The following L3MBTL4 variants were observed in gnomAD, a reference collection of about 807,000 sequenced individuals.
L3MBTL4 encodes the protein lethal(3)malignant brain tumor-like protein 4.
L3MBTL4 carries 70 observed loss-of-function variants against 84.5 expected under a neutral mutation model. The ratio of observed to expected loss-of-function variants is 0.83; its 90% CI spans 0.68 to 1.01. The LOEUF is 1.01. Among genes scored for constraint, L3MBTL4 ranks in the 50% least tolerant of loss-of-function variants. The pLI, the probability that L3MBTL4 is intolerant of heterozygous loss-of-function variation, is 0.00. For synonymous variants in L3MBTL4, 274 were observed against 259.8 expected, an observed-to-expected ratio of 1.05 and a Z score of -0.52; for missense variants, 715 against 754.8, an observed-to-expected ratio of 0.95 and a Z score of 0.62.
intron 1 of L3MBTL4, among the ~76,000 whole-genome samples, chr18:6,317,920 A>G (rs2051192144): frequency 6.6e-6 from 1 of 152,216 alleles, no homozygotes; most frequent in East Asian, 1.9e-4. Context: ...CAGAAATCTT[A>G]AAAGCCAGAA....
intron 16 of L3MBTL4, among the ~76,000 whole-genome samples, chr18:5,994,306 C>G (rs1389759701): frequency 6.6e-6 from 1 of 152,192 alleles, no homozygotes; most frequent in African/African-American, 2.4e-5. Context: ...GTCTCACTTA[C>G]TGCTATGTCT....
intron 1 of L3MBTL4, among the ~76,000 whole-genome samples, chr18:6,321,303 T>C (rs1330287163): frequency 6.6e-6 from 1 of 152,034 alleles, no homozygotes; most frequent in Non-Finnish European, 1.5e-5. Context: ...ACCCAGAGAA[T>C]GGGAGAAGAT....
intron 16 of L3MBTL4, among the ~76,000 whole-genome samples, chr18:5,999,226 A>T (rs1480370325): frequency 6.6e-6 from 1 of 152,184 alleles, no homozygotes. Context: ...CATTTTTCTC[A>T]TATTTATATT....
chr18:6,319,109 A>C (rs1033516629), intron 1 of L3MBTL4, among the ~76,000 whole-genome samples: 3 of 152,058 alleles, frequency 2.0e-5, no homozygotes, highest in Non-Finnish European at 2.9e-5. Flanking sequence ...AATTATTAAG[A>C]CCTCTGGGAT....
chr18:6,069,904 TAAAC>T (rs2057528271), intron 16 of L3MBTL4, among the ~76,000 whole-genome samples: 1 of 152,096 alleles, frequency 6.6e-6, no homozygotes, highest in Admixed American at 6.5e-5. Flanking sequence ...AACTAAGAAA[TAAAC>T]AATAATTTAA....
chr18:6,340,087 C>A (rs773926978), intron 1 of L3MBTL4, among the ~76,000 whole-genome samples: 12 of 152,070 alleles, frequency 7.9e-5, no homozygotes, highest in Non-Finnish European at 1.3e-4. Flanking sequence ...TAACAACAGC[C>A]TAAAAACCTA....
intron 4 of L3MBTL4, among the ~76,000 whole-genome samples, chr18:6,296,265 A>C (rs910788325): frequency 1.3e-5 from 2 of 152,134 alleles, no homozygotes; most frequent in African/African-American, 4.8e-5. Context: ...TAAGTTAACC[A>C]CTTTTAGAAT....
intron 13 of L3MBTL4, among the ~76,000 whole-genome samples, chr18:6,151,596 T>A (rs910941665): frequency 8.5e-5 from 13 of 152,130 alleles, no homozygotes; most frequent in African/African-American, 3.1e-4. Context: ...GGTTTCACCA[T>A]GTTGTCCAGG....
intron 1 of L3MBTL4, among the ~76,000 whole-genome samples, chr18:6,350,337 G>A (rs1234551790): frequency 6.6e-6 from 1 of 152,074 alleles, no homozygotes; most frequent in Non-Finnish European, 1.5e-5. Context: ...GAAAATATTT[G>A]CAAATCATGT....
In L3MBTL4 at chr18:6,093,501, C is replaced by T. The variant is rs1210528605; in HGVS notation, c.1227G>A (p.Met409Ile). The T allele has an allele frequency of 6.2e-7, 1 of 1,613,364 alleles. No homozygotes were observed. The highest frequency in any genetic ancestry group is 1.3e-5 in the African/African-American group (1 of 74,868). Residue 409 changes from methionine (M) to isoleucine (I), a missense_variant, in exon 15 of 19, where the codon ATG becomes ATA. By Grantham distance (10) the Met-to-Ile change is conservative (BLOSUM62 1). Transcript: ENST00000317931. ...GAAGTGTTGCCTCCTTTTTCAAGTT[C>T]ATGTCTGAATACGGGCAGCCAAAAG... ...HSAFGCPYSD[M>I]NLKKEATLHD...
chr18:6,198,388 C>T (rs2045501624), intron 12 of L3MBTL4, among the ~76,000 whole-genome samples: 1 of 152,300 alleles, frequency 6.6e-6, no homozygotes, highest in East Asian at 1.9e-4. Flanking sequence ...TTCTGTACCA[C>T]TCTCAATATA....
chr18:6,401,609 T>C (rs957995954), intron 1 of L3MBTL4, among the ~76,000 whole-genome samples: 9 of 152,320 alleles, frequency 5.9e-5, no homozygotes, highest in African/African-American at 1.9e-4. Context: ...AGCCAAACTA[T>C]ATATGGGTAA....
Position 6,093,415 on chromosome 18 carries a change from G to A in L3MBTL4, c.1313C>T (p.Ser438Leu). The change falls in exon 15 of 19, where the codon TCA becomes TTA. Residue 438 changes from serine (S) to leucine (L), a missense_variant. By Grantham distance (145) the Ser-to-Leu change is moderately radical. Coordinates refer to ENST00000317931, the MANE Select transcript of L3MBTL4 (RefSeq NM_001330559.2). ...GAAGTTCAAACTACAGAGGCTTTTTGATTTTGAATGTGAAGAGTCTGATTC... is the reference window on the plus strand; with the variant it reads ...GAAGTTCAAACTACAGAGGCTTTTTAATTTTGAATGTGAAGAGTCTGATTC... ...NLESDSSHSKSKSLCSLNFNG... is the reference protein window; with the variant it reads ...NLESDSSHSKLKSLCSLNFNG... 6.2e-7 allele frequency: 1 copy of A among 1,613,260 alleles called. No homozygotes were observed. The highest frequency in any genetic ancestry group is 8.5e-7 in the Non-Finnish European group (1 of 1,179,726).
chr18:6,413,341 T>C (rs2056048928), intron 1 of L3MBTL4, among the ~76,000 whole-genome samples: 1 of 152,178 alleles, frequency 6.6e-6, no homozygotes, highest in Non-Finnish European at 1.5e-5. Flanking sequence ...GCATAATTAA[T>C]AGCAGTTTTA....
intron 5 of L3MBTL4, among the ~76,000 whole-genome samples, chr18:6,246,648 A>G (rs948629482): frequency 1.4e-4 from 21 of 152,212 alleles, no homozygotes; most frequent in Non-Finnish European, 2.8e-4. Flanking sequence ...TCATGCCTGT[A>G]ATCCCAGCAC....
chr18:6,107,532 T>C (rs954840273), intron 14 of L3MBTL4, among the ~76,000 whole-genome samples: 5 of 152,062 alleles, frequency 3.3e-5, no homozygotes, highest in African/African-American at 1.2e-4. Context: ...CTGAACACAC[T>C]CTACAAAAAT....
chr18:6,383,130 C>G (rs991786284), intron 1 of L3MBTL4, among the ~76,000 whole-genome samples: 2 of 152,146 alleles, frequency 1.3e-5, no homozygotes, highest in African/African-American at 4.8e-5. Flanking sequence ...ACTGCCTACT[C>G]AAGCCTCAGC....
Position 6,064,795 on chromosome 18 carries a change from A to G in L3MBTL4, c.1444+16086T>C, listed in dbSNP as rs58918131. ...AAGCATATTATCATATCATTGATGA[A>G]TCGTGACAATCTGAGTTATTCTTTT... is the stretch of plus-strand genomic sequence containing the variant. On this transcript the variant is annotated intron_variant, in intron 16 of 18. Coordinates refer to ENST00000317931, the MANE Select transcript of L3MBTL4 (RefSeq NM_001330559.2). 3.6e-3 allele frequency among the ~76,000 whole-genome samples: 545 copies of G among 152,044 alleles called. 4 individuals carry two copies. Among genetic ancestry groups the G allele is most frequent in the South Asian group, 7.5e-3 (36 of 4,818 alleles).
At chr18:6,111,508 G>C (rs2059194776) in intron 14 of L3MBTL4, among the ~76,000 whole-genome samples, 1 of 152,094 alleles carries the variant, frequency 6.6e-6, no homozygotes, top group Non-Finnish European at 1.5e-5. Flanking sequence ...CTTGCATATT[G>C]AGGTTCCATG....
Sources: gnomAD v4.1 joint callset for allele counts (sites outside exome capture counted in the v4.1 genomes callset) on GRCh38, gnomAD v4.1.1 for gene constraint, MANE v1.5 for transcripts, NCBI Gene and HGNC (gene_info 2026-07-23, HGNC 2026-07-21) for gene names.